TGFA: variants seen among roughly 807,000 people sequenced by gnomAD.
TGFA encodes protransforming growth factor alpha.
TGFA carries 12 observed loss-of-function variants against 21.7 expected under a neutral mutation model. The ratio of observed to expected loss-of-function variants is 0.55; its 90% CI spans 0.35 to 0.90. The LOEUF (loss-of-function observed/expected upper bound fraction) is 0.90, where lower values mean the gene tolerates loss of function less well. Ranked by LOEUF, TGFA falls within the 40% of genes least tolerant of loss-of-function variation. The probability of loss-of-function intolerance (pLI) is 0.01; values close to 1 mark genes in which losing one functional copy is unlikely to be tolerated. For synonymous variants in TGFA, 79 were observed against 88.1 expected, an observed-to-expected ratio of 0.90 and a Z score of 0.58; for missense variants, 178 against 210.8, an observed-to-expected ratio of 0.84 and a Z score of 0.96.
chr2:70,541,195 A>C (rs1553505151), intron 1 of TGFA, among the ~76,000 whole-genome samples: 1 of 152,264 alleles, frequency 6.6e-6, no homozygotes. Context: ...AAAAGTTTAA[A>C]GCAATCTATA....
chr2:70,459,895 G>A (rs1670359273), intron 3 of TGFA, among the ~76,000 whole-genome samples: 1 of 152,158 alleles, frequency 6.6e-6, no homozygotes, highest in East Asian at 1.9e-4. Flanking sequence ...CCCAAGGTGG[G>A]AGGCACCTGG....
intron 5 of TGFA, among the ~76,000 whole-genome samples, chr2:70,452,888 AGCCGAGATCAC>A (rs1553489869): frequency 6.6e-6 from 1 of 152,172 alleles, no homozygotes; most frequent in Non-Finnish European, 1.5e-5. Flanking sequence ...GATTGCAGTG[AGCCGAGATCAC>A]GCCATTGCAC....
At chr2:70,456,513 C>G (rs1215828589) in intron 3 of TGFA, 25 bp from the exon 4 acceptor site, 1 of 1,583,448 alleles carries the variant, frequency 6.3e-7, no homozygotes, top group Admixed American at 1.8e-5. Context: ...AACGTCAGTG[C>G]ACTCTCCTGA....
At chr2:70,465,844 T>C in intron 2 of TGFA, 108 bp from the exon 3 acceptor site, 1 of 1,509,468 alleles carries the variant, frequency 6.6e-7, no homozygotes, top group Non-Finnish European at 8.9e-7. Context: ...GGCTGGGACT[T>C]TGGGTTCTCA....
intron 2 of TGFA, among the ~76,000 whole-genome samples, chr2:70,498,570 G>A (rs1671643546): frequency 6.6e-6 from 1 of 152,186 alleles, no homozygotes; most frequent in Non-Finnish European, 1.5e-5. Context: ...AAGTGGAGGG[G>A]AGGGGAGGTA....
At chr2:70,512,861 T>C (rs1440278001) in intron 2 of TGFA, among the ~76,000 whole-genome samples, 1 of 152,182 alleles carries the variant, frequency 6.6e-6, no homozygotes, top group Non-Finnish European at 1.5e-5. Flanking sequence ...TTGCCATCAT[T>C]GCAACTTGTC....
chr2:70,522,148 C>G (rs1672493037), intron 1 of TGFA, among the ~76,000 whole-genome samples: 3 of 152,328 alleles, frequency 2.0e-5, no homozygotes, highest in South Asian at 4.1e-4. Context: ...ATCCTTACAC[C>G]TGGCCTAACG....
intron 4 of TGFA, among the ~76,000 whole-genome samples, chr2:70,456,110 T>G (rs575901145): frequency 3.9e-5 from 6 of 152,340 alleles, no homozygotes; most frequent in African/African-American, 1.2e-4. Context: ...GCCTCCACAG[T>G]GCACCAACCC....
At chr2:70,460,637 C>T (rs1047908974) in intron 3 of TGFA, among the ~76,000 whole-genome samples, 2 of 152,170 alleles carry the variant, frequency 1.3e-5, no homozygotes, top group African/African-American at 4.8e-5. Context: ...CTCAGCCTTT[C>T]AAGAACCAGA....
In TGFA at chr2:70,492,075, T is replaced by A. The variant is rs11466230; in HGVS notation, c.94+22784A>T. 5.1e-3 allele frequency among the ~76,000 whole-genome samples: 784 copies of A among 152,254 alleles called. 10 individuals are homozygous for A. Among genetic ancestry groups the A allele is most frequent in the African/African-American group, 0.018 (753 of 41,536 alleles). On this transcript the variant is annotated intron_variant, in intron 2 of 5. Transcript: ENST00000295400. ...ATATTCACAGGATCTTAGACCTGCA[T>A]GAGGTCTAAGATTTATGATGATACA...
chr2:70,536,006 A>T (rs1331666362), intron 1 of TGFA, among the ~76,000 whole-genome samples: 2 of 152,214 alleles, frequency 1.3e-5, no homozygotes, highest in Non-Finnish European at 2.9e-5. Context: ...TCCACAATTA[A>T]AGTTAAAATT....
At chr2:70,538,078 C>A (rs1056674193) in intron 1 of TGFA, among the ~76,000 whole-genome samples, 1 of 152,140 alleles carries the variant, frequency 6.6e-6, no homozygotes, top group African/African-American at 2.4e-5. Flanking sequence ...CTCTGCCTGT[C>A]CTCTACAAAT....
intron 2 of TGFA, among the ~76,000 whole-genome samples, chr2:70,502,432 C>T (rs996213097): frequency 5.3e-5 from 8 of 152,172 alleles, no homozygotes; most frequent in South Asian, 4.1e-4. Context: ...CTTCGCTTCC[C>T]GGGTTCAAGT....
rs782577747 is a variant in TGFA at position 70,456,436 on chromosome 2, C to T, written c.268G>A (p.Val90Met). Reference sequence around the variant, plus strand: ...TGCTTCTTCTGGCTGGCAGCCACCACGGCCAGGAGGTCCGCATGCTCACAG... The same window carrying T: ...TGCTTCTTCTGGCTGGCAGCCACCATGGCCAGGAGGTCCGCATGCTCACAG... ...ARCEHADLLA[V>M]VAASQKKQAI... Residue 90 changes from valine (V) to methionine (M), a missense_variant, in exon 4 of 6, where the codon GTG becomes ATG. By Grantham distance (21) the Val-to-Met change is conservative. Transcript: ENST00000295400. The T allele has an allele frequency of 6.2e-6, 10 of 1,606,416 alleles. No homozygotes were observed. Among genetic ancestry groups the T allele is most frequent in the African/African-American group, 4.0e-5 (3 of 74,746 alleles).
Position 70,448,278 on chromosome 2 carries a change from CA to C in TGFA, c.*2580del, listed in dbSNP as rs1669946840. On this transcript the variant is annotated 3_prime_UTR_variant, in exon 6 of 6. Transcript: ENST00000295400. ...AGCCTGTAGAGCAGTGGGAAAAATC[CA>C]GGCTCCATAAGAGTATTGGAGGCCT... The C allele has an allele frequency of 6.6e-6, 1 of 152,162 alleles. No homozygotes were observed. Among genetic ancestry groups the C allele is most frequent in the African/African-American group, 2.4e-5 (1 of 41,428 alleles). The allele number at this position is 152,162 out of a possible 1,614,324, so 9.4% of individuals were successfully genotyped here.
chr2:70,538,948 G>GT (rs2103926408), intron 1 of TGFA, among the ~76,000 whole-genome samples: 1 of 152,266 alleles, frequency 6.6e-6, no homozygotes, highest in East Asian at 1.9e-4. Flanking sequence ...TTTCATCGTT[G>GT]TCTTATTTTA....
In TGFA at chr2:70,503,582, T is replaced by TA. The variant is rs1405451186; in HGVS notation, c.94+11276dup. 7.8e-3 allele frequency among the ~76,000 whole-genome samples: 1,111 copies of TA among 142,848 alleles called. 12 individuals carry two copies. The highest frequency in any genetic ancestry group is 0.027 in the African/African-American group (1,022 of 38,382). The allele number at this position is 142,848 out of a possible 152,430, so 93.7% of individuals were successfully genotyped here. On this transcript the variant is annotated intron_variant, in intron 2 of 5. Coordinates refer to ENST00000295400, the MANE Select transcript of TGFA (RefSeq NM_003236.4). ...AAAACCTAAAGTATAATAATAATAA[T>TA]AAAAAAAAAAAAAGAAACTTGCCTA...
At chr2:70,529,204 A>C (rs390514) in intron 1 of TGFA, among the ~76,000 whole-genome samples, 74,473 of 152,090 alleles carry the variant, frequency 0.49, 19,859 homozygotes, top group African/African-American at 0.71. Context: ...TAGACAAGCT[A>C]TCAGCAAACA....
intron 2 of TGFA, among the ~76,000 whole-genome samples, chr2:70,504,463 T>TATATATATATATACAC (rs1224115401): frequency 8.2e-5 from 4 of 48,968 alleles, no homozygotes; most frequent in African/African-American, 4.1e-4. Context: ...TATATATATA[T>TATATATATATATACAC]ACACACATAC....
Sources: gnomAD v4.1 joint callset for allele counts (sites outside exome capture counted in the v4.1 genomes callset) on GRCh38, gnomAD v4.1.1 for gene constraint, MANE v1.5 for transcripts, NCBI Gene and HGNC (gene_info 2026-07-23, HGNC 2026-07-21) for gene names.